The following ZNF81 variants were observed in gnomAD, a reference collection of about 807,000 sequenced individuals.
The protein encoded by ZNF81 is zinc finger protein 81.
Under a neutral mutation model 32.3 loss-of-function variants are expected in ZNF81, and 5 were observed. That is an observed-to-expected ratio of 0.15 (90% CI 0.08 to 0.33). ZNF81 has a LOEUF of 0.33. ZNF81 is among the 10% of genes least tolerant of loss of function. ZNF81 has a pLI of 1.00. For missense variants in ZNF81, 379 were observed against 479.8 expected, an observed-to-expected ratio of 0.79 and a Z score of 1.96; for synonymous variants, 163 against 166.8, an observed-to-expected ratio of 0.98 and a Z score of 0.17.
intron 3 of ZNF81, among the ~76,000 whole-genome samples, chrX:47,888,913 C>T (rs782817724): frequency 2.7e-5 from 3 of 111,499 alleles, no homozygotes; most frequent in South Asian, 7.5e-4. Flanking sequence ...TATAAAGTAC[C>T]GGAGAACATG....
chrX:47,915,268 C>A lies in ZNF81; in HGVS notation c.622C>A (p.His208Asn). 1 of 1,211,237 alleles carries A rather than the reference C, an allele frequency of 8.3e-7. No homozygotes were observed. Among genetic ancestry groups the A allele is most frequent in the Non-Finnish European group, 1.1e-6 (1 of 895,254 alleles). Residue 208 changes from histidine (H) to asparagine (N), a missense_variant, in exon 5 of 5, where the codon CAT (histidine) becomes AAT (asparagine). Coordinates refer to ENST00000338637, the MANE Select transcript of ZNF81 (RefSeq NM_007137.5). ...TAAGCATAATTTAGACTTACATATT[C>A]ATAATAAAAGCAATGCAGCAAAGAA... ...SFKHNLDLHI[H>N]NKSNAAKNLD...
At chrX:47,854,171 G>A (rs782617442) in intron 2 of ZNF81, among the ~76,000 whole-genome samples, 7 of 112,294 alleles carry the variant, frequency 6.2e-5, no homozygotes, top group Admixed American at 2.8e-4. Flanking sequence ...TAAGCCTCAC[G>A]AACCAACCTC....
intron 2 of ZNF81, among the ~76,000 whole-genome samples, chrX:47,849,164 G>T (rs1425281259): frequency 1.8e-5 from 2 of 111,593 alleles, no homozygotes; most frequent in Non-Finnish European, 3.8e-5. Context: ...TATATACAGG[G>T]GGGTGAAGTT....
chrX:47,842,516 GTCC>G (rs1197177499), intron 1 of ZNF81: 1 of 111,717 alleles, frequency 9.0e-6, no homozygotes, highest in African/African-American at 3.3e-5. Context: ...TCTGCAAGCT[GTCC>G]TCCTTACCTT....
chrX:47,838,540 A>C (rs1452549673), intron 1 of ZNF81, among the ~76,000 whole-genome samples: 2 of 110,519 alleles, frequency 1.8e-5, no homozygotes, highest in Non-Finnish European at 3.8e-5. Context: ...TTTCATCAAC[A>C]CTCTGAATTT....
intron 2 of ZNF81, among the ~76,000 whole-genome samples, chrX:47,875,341 C>T (rs1006027059): frequency 5.3e-5 from 6 of 112,224 alleles, no homozygotes; most frequent in African/African-American, 1.9e-4. Flanking sequence ...AGTTAATTCA[C>T]CCAAATAAAA....
Position 47,907,695 on chromosome X carries a change from A to G in ZNF81, c.278-7229A>G, listed in dbSNP as rs781925950. ...AAAGAAAACACAGATTATCAATGCCATAAATGAGAAAAGAAACATCATTAC... is the reference window on the plus strand; with the variant it reads ...AAAGAAAACACAGATTATCAATGCCGTAAATGAGAAAAGAAACATCATTAC... On this transcript the variant is annotated intron_variant, in intron 4 of 4. Transcript: ENST00000338637. 5.6e-4 allele frequency among the ~76,000 whole-genome samples: 63 copies of G among 112,163 alleles called. 1 individual carries two copies. The highest frequency in any genetic ancestry group is 4.6e-3 in the Middle Eastern group (1 of 217).
intron 4 of ZNF81, among the ~76,000 whole-genome samples, chrX:47,900,083 G>T (rs1227051294): frequency 9.0e-6 from 1 of 111,067 alleles, no homozygotes. Flanking sequence ...ATTTGGGGGG[G>T]TTAAAACTGT....
chrX:47,868,771 G>A (rs781897659), intron 2 of ZNF81, among the ~76,000 whole-genome samples: 30 of 110,285 alleles, frequency 2.7e-4, no homozygotes, highest in African/African-American at 9.2e-4. Context: ...GGCTGTCCCC[G>A]AACAGGCCTG....
Position 47,895,958 on chromosome X carries a change from A to G in ZNF81, c.277+18A>G, listed in dbSNP as rs369337704. The G allele has an allele frequency of 9.7e-6, 11 of 1,134,154 alleles. No individual in the cohort carries two copies. Among genetic ancestry groups the G allele is most frequent in the Non-Finnish European group, 1.2e-5 (10 of 828,507 alleles). The allele number at this position is 1,134,154 out of a possible 1,213,427, so 93.5% of individuals were successfully genotyped here. ...CTGTTCAGGTGAGTGGGTGTGACCC[A>G]GGCAGATGGGGACACGAAGTAATTT... On this transcript the variant is annotated intron_variant, in intron 4 of 4. Coordinates refer to ENST00000338637, the MANE Select transcript of ZNF81 (RefSeq NM_007137.5).
chrX:47,864,574 G>A (rs1362036370), intron 2 of ZNF81, among the ~76,000 whole-genome samples: 5 of 111,945 alleles, frequency 4.5e-5, no homozygotes, highest in Non-Finnish European at 7.5e-5. Context: ...CAGAAGTTTG[G>A]CATGCAGTGG....
chrX:47,892,441 A>G (rs2058665828), intron 3 of ZNF81, among the ~76,000 whole-genome samples: 1 of 112,155 alleles, frequency 8.9e-6, no homozygotes, highest in Admixed American at 9.4e-5. Context: ...ACCCTCCCAG[A>G]GTAGATGAAC....
At chrX:47,894,932 C>G (rs1603201864) in intron 3 of ZNF81, among the ~76,000 whole-genome samples, 1 of 111,781 alleles carries the variant, frequency 8.9e-6, no homozygotes, top group Non-Finnish European at 1.9e-5. Flanking sequence ...ATTATATCCT[C>G]TCTCATCCAT....
rs782069728 is a variant in ZNF81, at chrX:47,916,584, G to T, written c.1938G>T (p.Gly646=). The T allele has an allele frequency of 1.2e-5, 15 of 1,201,164 alleles. No individual in the cohort carries two copies. The highest frequency in any genetic ancestry group is 1.8e-5 in the South Asian group (1 of 54,584). Residue 646 remains glycine, a synonymous_variant, in exon 5 of 5, where the codon GGG becomes GGT. Coordinates refer to ENST00000338637, the MANE Select transcript of ZNF81 (RefSeq NM_007137.5). ...ATAAATGCAGCGACTGTGGAAAGGG[G>T]TTCACCCAGAAATCAGTTCTCAGTA... ...KPYKCSDCGK[G]FTQKSVLSMH...
At chrX:47,857,683 C>T (rs1207139745) in intron 2 of ZNF81, among the ~76,000 whole-genome samples, 1 of 111,298 alleles carries the variant, frequency 9.0e-6, no homozygotes, top group Admixed American at 9.6e-5. Flanking sequence ...ATGCAACATG[C>T]AGAAATATTT....
At chrX:47,840,503 CTT>C (rs1225455438) in intron 1 of ZNF81, among the ~76,000 whole-genome samples, 1 of 102,106 alleles carries the variant, frequency 9.8e-6, no homozygotes, top group Non-Finnish European at 2.0e-5. Context: ...TTTTCTTTTT[CTT>C]TTTTTTTTTT....
intron 1 of ZNF81, among the ~76,000 whole-genome samples, chrX:47,843,289 A>T (rs1276217401): frequency 9.0e-6 from 1 of 111,629 alleles, no homozygotes; most frequent in African/African-American, 3.3e-5. Flanking sequence ...TGCTGTGACT[A>T]TTTGTGTATA....
chrX:47,847,057 C>T (rs1343260771), intron 2 of ZNF81, among the ~76,000 whole-genome samples: 2 of 112,271 alleles, frequency 1.8e-5, no homozygotes, highest in Non-Finnish European at 3.8e-5. Context: ...CCAAATTCTT[C>T]CCTGGTGTTA....
intron 2 of ZNF81, among the ~76,000 whole-genome samples, chrX:47,855,943 G>A (rs2058514810): frequency 9.4e-6 from 1 of 106,138 alleles, no homozygotes; most frequent in African/African-American, 3.5e-5. Context: ...CACCTACCCA[G>A]GAGGCTGAGG....
Sources: gnomAD v4.1 joint callset for allele counts (sites outside exome capture counted in the v4.1 genomes callset) on GRCh38, gnomAD v4.1.1 for gene constraint, MANE v1.5 for transcripts, NCBI Gene and HGNC (gene_info 2026-07-23, HGNC 2026-07-21) for gene names.